The following PPP3CC variants were observed in gnomAD, a reference collection of about 807,000 sequenced individuals.
PPP3CC encodes protein phosphatase 3 catalytic subunit gamma.
PPP3CC carries 35 observed loss-of-function variants against 60.3 expected under a neutral mutation model. The observed-to-expected ratio is 0.58, with a 90% CI of 0.44 to 0.77. The LOEUF (loss-of-function observed/expected upper bound fraction) is 0.77, where lower values mean the gene tolerates loss of function less well. Among genes scored for constraint, PPP3CC ranks in the 30% least tolerant of loss-of-function variants. PPP3CC has a pLI of 0.00. For synonymous variants in PPP3CC, 206 were observed against 224.3 expected, an observed-to-expected ratio of 0.92 and a Z score of 0.73; for missense variants, 570 against 628.9, an observed-to-expected ratio of 0.91 and a Z score of 1.00.
chr8:22,476,863 C>T (rs575822039), intron 3 of PPP3CC, among the ~76,000 whole-genome samples: 12 of 149,080 alleles, frequency 8.0e-5, no homozygotes, highest in African/African-American at 2.0e-4. Context: ...ACCTGGGAGA[C>T]GGAGCTTGCA....
rs531054282 is a variant in PPP3CC, at chr8:22,490,646, C to G, written c.373-7355C>G. ...GGCCCCAGAGTGTGATGTTCCCCTT[C>G]CTGTGTCCAAGTGTTCTCATTGTTC... On this transcript the variant is annotated intron_variant, in intron 3 of 13. Transcript: ENST00000240139. Among the ~76,000 whole-genome samples the G allele has an allele frequency of 4.8e-5, 7 of 145,042 alleles. No individual in the cohort carries two copies. In the South Asian group the frequency reaches 1.6e-3, roughly 33 times the overall value.
chr8:22,476,925 C>G (rs1837905791), intron 3 of PPP3CC, among the ~76,000 whole-genome samples: 1 of 141,782 alleles, frequency 7.1e-6, no homozygotes, highest in Non-Finnish European at 1.5e-5. Flanking sequence ...GAGCGAGACT[C>G]TGTCTCAAAA....
rs1194824905 is a variant in PPP3CC at position 22,498,072 on chromosome 8, A to G, written c.444A>G (p.Glu148=). The change falls in exon 4 of 14, where the codon GAA becomes GAG. Residue 148 remains glutamate (E), a synonymous_variant. Transcript: ENST00000240139. ...KTLFLLRGNH[E]CRHLTDYFTF... The stretch of plus-strand genomic sequence containing the variant: ...TGTTTCTGCTTCGGGGAAATCATGA[A>G]TGCAGGCATCTTACAGACTATTTCA... 6.2e-7 allele frequency: 1 copy of G among 1,613,034 alleles called. No individual in the cohort carries two copies. Among genetic ancestry groups the G allele is most frequent in the Non-Finnish European group, 8.5e-7 (1 of 1,179,150 alleles).
At chr8:22,474,827 C>A (rs983051058) in intron 1 of PPP3CC, 127 bp from the exon 2 acceptor site, 1 of 523,772 alleles carries the variant, frequency 1.9e-6, no homozygotes, top group Non-Finnish European at 2.9e-6. Flanking sequence ...TTTTTCCCCA[C>A]GTACTGGTGC....
In PPP3CC at chr8:22,519,639, T is replaced by A. The variant is rs1423175527; in HGVS notation, c.771-2852T>A. Among the ~76,000 whole-genome samples, 3 of 152,186 alleles carry A rather than the reference T, an allele frequency of 2.0e-5. No individual in the cohort carries two copies. In the East Asian group the frequency reaches 5.8e-4, roughly 29 times the overall value. On this transcript the variant is annotated intron_variant, in intron 6 of 13. Coordinates refer to ENST00000240139, the MANE Select transcript of PPP3CC (RefSeq NM_005605.5). ...ACACTTTAGTCCCCATTCACACACC[T>A]AATGTAATTAATTTCAGGTTTTACT... is the stretch of plus-strand genomic sequence containing the variant.
intron 1 of PPP3CC, among the ~76,000 whole-genome samples, chr8:22,473,749 C>T (rs1218049819): frequency 6.6e-6 from 1 of 152,084 alleles, no homozygotes; most frequent in South Asian, 2.1e-4. Flanking sequence ...CAAGCGTGAG[C>T]CACACCACAC....
chr8:22,513,189 A>G (rs1004753323), intron 5 of PPP3CC, 104 bp from the exon 6 acceptor site: 56 of 1,206,724 alleles, frequency 4.6e-5, no homozygotes, highest in Middle Eastern at 2.0e-4. Flanking sequence ...TTCTCTCCTA[A>G]TACATTCTTG....
intron 4 of PPP3CC, among the ~76,000 whole-genome samples, chr8:22,503,479 G>GT (rs1176566328): frequency 6.6e-6 from 1 of 151,992 alleles, no homozygotes; most frequent in South Asian, 2.1e-4. Flanking sequence ...GTTTCAGAGG[G>GT]TTTTTTAGGT....
In PPP3CC at chr8:22,451,223, C is replaced by T. The variant is rs538902518; in HGVS notation, c.49+9765C>T. ...CCATCTTGGCTCACTGCAACCTCCG[C>T]CTCCCAGGTTCAAGTGATTCTCCTG... is the stretch of plus-strand genomic sequence containing the variant. On this transcript the variant is annotated intron_variant, in intron 1 of 13. Transcript: ENST00000240139. Among the ~76,000 whole-genome samples, 12 of 151,270 alleles carry T rather than the reference C, an allele frequency of 7.9e-5. No individual in the cohort carries two copies. In the South Asian group the frequency reaches 2.1e-3, roughly 26 times the overall value.
rs375168985 is a variant in PPP3CC at position 22,492,978 on chromosome 8, C to T, written c.373-5023C>T. The stretch of plus-strand genomic sequence containing the variant: ...TTTAAGGAGACTGGCTGAAGCTCTG[C>T]CCAAACAGTCTGTGAATGGAAAAGC... On this transcript the variant is annotated intron_variant, in intron 3 of 13. Transcript: ENST00000240139. 4.3e-5 allele frequency: 54 copies of T among 1,267,950 alleles called. No homozygotes were observed. The East Asian group carries it at 4.4e-4, about 10-fold the overall frequency. 78.5% of individuals were successfully genotyped at this position (1,267,950 alleles called of 1,614,324 possible). A position where few individuals can be genotyped will look rare whatever the true frequency, so the allele number is the denominator to read the frequency against.
chr8:22,483,209 G>T (rs1838120907), intron 3 of PPP3CC, among the ~76,000 whole-genome samples: 4 of 152,144 alleles, frequency 2.6e-5, no homozygotes, highest in Non-Finnish European at 4.4e-5. Flanking sequence ...TTATAGTTTT[G>T]TATTAGTGTC....
Position 22,510,989 on chromosome 8 carries a change from A to G in PPP3CC, c.485-97A>G, listed in dbSNP as rs531784381. 2.4e-5 allele frequency: 30 copies of G among 1,264,016 alleles called. No homozygotes were observed. The African/African-American group carries it at 3.8e-4, about 16-fold the overall frequency. The allele number at this position is 1,264,016 out of a possible 1,614,324, so 78.3% of individuals were successfully genotyped here. ...TGTGCTTTCAAATCATCTAAAATAA[A>G]TGGCTCTAAAGTAGCTTCATATTCT... On this transcript the variant is annotated intron_variant, in intron 4 of 13. Transcript: ENST00000240139.
At chr8:22,524,478 T>A (rs542043054) in intron 8 of PPP3CC, among the ~76,000 whole-genome samples, 30 of 152,242 alleles carry the variant, frequency 2.0e-4, no homozygotes, top group Non-Finnish European at 4.0e-4. Flanking sequence ...CTGAGCCTTA[T>A]CTGTCCTACA....
intron 12 of PPP3CC, among the ~76,000 whole-genome samples, chr8:22,534,422 CAAA>C (rs34306343): frequency 1.5e-5 from 2 of 134,480 alleles, no homozygotes; most frequent in African/African-American, 2.7e-5. Context: ...ACCCTGTCTC[CAAA>C]AAAAAAAAAA....
At chr8:22,525,230 A>G (rs1260664735) in intron 8 of PPP3CC, among the ~76,000 whole-genome samples, 2 of 152,182 alleles carry the variant, frequency 1.3e-5, no homozygotes, top group Non-Finnish European at 2.9e-5. Context: ...AGTAACTTTT[A>G]TCTCAAAACA....
chr8:22,446,224 T>C (rs577315221), intron 1 of PPP3CC, among the ~76,000 whole-genome samples: 50 of 152,276 alleles, frequency 3.3e-4, no homozygotes, highest in Admixed American at 1.6e-3. Context: ...TCAACCAAAA[T>C]AAATAGATTA....
At chr8:22,505,024 A>ATTTTTTTTTTTTTTTTTTT in intron 4 of PPP3CC, among the ~76,000 whole-genome samples, 1 of 115,974 alleles carries the variant, frequency 8.6e-6, no homozygotes, top group Non-Finnish European at 1.7e-5. Context: ...CCACGAACCT[A>ATTTTTTTTTTTTTTTTTTT]TTTTTTTTTT....
intron 1 of PPP3CC, among the ~76,000 whole-genome samples, chr8:22,467,578 C>T (rs554251435): frequency 2.0e-5 from 3 of 152,036 alleles, no homozygotes; most frequent in East Asian, 1.9e-4. Flanking sequence ...GAGGCAAGCA[C>T]GCGCCACCAC....
At chr8:22,513,533 C>T in intron 6 of PPP3CC, 101 bp downstream of exon 6, 1 of 1,292,036 alleles carries the variant, frequency 7.7e-7, no homozygotes. Flanking sequence ...GTAGTATAAG[C>T]ACTCCTGTTT....
Sources: allele counts gnomAD v4.1 joint callset (sites outside exome capture counted in the v4.1 genomes callset), GRCh38; gene constraint gnomAD v4.1.1; transcripts MANE v1.5; gene names NCBI Gene and HGNC (gene_info 2026-07-23, HGNC 2026-07-21).